Variants in MMS22L observed in about 807,000 individuals in gnomAD.
The protein encoded by MMS22L is protein MMS22-like.
A neutral mutation model predicts 159.1 loss-of-function variants in MMS22L; 74 were observed. That is an observed-to-expected ratio of 0.47 (90% CI 0.39 to 0.56). The LOEUF is 0.56. Among genes scored for constraint, MMS22L ranks in the 20% least tolerant of loss-of-function variants. The pLI is 0.00. For missense variants in MMS22L, 1,351 were observed against 1,422.1 expected, an observed-to-expected ratio of 0.95 and a Z score of 0.80; for synonymous variants, 517 against 506.9, an observed-to-expected ratio of 1.02 and a Z score of -0.27.
chr6:97,263,605 C>G (rs1440553236), intron 8 of MMS22L, 157 bp from the exon 9 acceptor site: 1 of 420,926 alleles, frequency 2.4e-6, no homozygotes, highest in African/African-American at 2.1e-5. Flanking sequence ...TTTCATTTAA[C>G]TTTTAAGACA....
chr6:97,272,164 A>G (rs931390681), intron 6 of MMS22L: 2 of 152,250 alleles, frequency 1.3e-5, no homozygotes, highest in Admixed American at 1.3e-4. Context: ...GTAACAATAT[A>G]AAGTTTTAAA....
rs113893617 is a variant in MMS22L at position 97,207,870 on chromosome 6, C to T, written c.2039+21024G>A. On this transcript the variant is annotated intron_variant, in intron 14 of 24. Coordinates refer to ENST00000683635, the MANE Select transcript of MMS22L (RefSeq NM_001350599.2). Reference sequence around the variant, plus strand: ...ATTTCCAACCTCTGCATTTATATGGCTGAAACTGAAGAAAAAATGAGATGA... The same window carrying T: ...ATTTCCAACCTCTGCATTTATATGGTTGAAACTGAAGAAAAAATGAGATGA... Among the ~76,000 whole-genome samples the T allele has an allele frequency of 2.5e-3, 385 of 152,130 alleles. 3 individuals carry two copies. Among genetic ancestry groups the T allele is most frequent in the African/African-American group, 8.7e-3 (362 of 41,528 alleles).
intron 23 of MMS22L, chr6:97,151,514 A>T: frequency 2.5e-6 from 1 of 400,532 alleles, no homozygotes; most frequent in Non-Finnish European, 4.7e-6. Context: ...TAAGAGACAC[A>T]TGACTGTTCA....
intron 10 of MMS22L, among the ~76,000 whole-genome samples, chr6:97,251,901 G>C (rs1223362163): frequency 6.6e-6 from 1 of 152,174 alleles, no homozygotes; most frequent in South Asian, 2.1e-4. Context: ...GTCTAACACA[G>C]TGAAACCCCG....
intron 4 of MMS22L, among the ~76,000 whole-genome samples, chr6:97,274,013 G>A (rs998175073): frequency 1.3e-5 from 2 of 152,122 alleles, no homozygotes; most frequent in African/African-American, 2.4e-5. Context: ...AATAGTTGCT[G>A]CCTTTCTCCC....
At chr6:97,166,497 G>GA (rs1331101493) in intron 20 of MMS22L, among the ~76,000 whole-genome samples, 2 of 152,072 alleles carry the variant, frequency 1.3e-5, no homozygotes, top group Non-Finnish European at 2.9e-5. Flanking sequence ...ATAAACAACT[G>GA]AAAAAAATCA....
At chr6:97,183,990 C>G (rs1456526573) in intron 15 of MMS22L, among the ~76,000 whole-genome samples, 3 of 152,260 alleles carry the variant, frequency 2.0e-5, no homozygotes, top group African/African-American at 4.8e-5. Context: ...AAAGATTAAT[C>G]TAAATTTGCA....
At chr6:97,277,695 T>C (rs1461406517) in intron 4 of MMS22L, among the ~76,000 whole-genome samples, 1 of 152,110 alleles carries the variant, frequency 6.6e-6, no homozygotes, top group Non-Finnish European at 1.5e-5. Context: ...AAATTGCCCC[T>C]GCTAATTAAC....
At position 97,146,885 on chromosome 6, in the gene MMS22L, T is replaced by A. The variant is rs1800949401; in HGVS notation, c.3653A>T (p.Glu1218Val). The A allele has an allele frequency of 6.5e-7, 1 of 1,546,788 alleles. No homozygotes were observed. The highest frequency in any genetic ancestry group is 2.4e-5 in the East Asian group (1 of 41,258). Residue 1218 changes from glutamate to valine, a missense_variant and splice_region_variant, in exon 25 of 25, where the codon GAA becomes GTA. Physicochemically the swap from Glu to Val is moderately radical, Grantham distance 121 (BLOSUM62 -2). Coordinates refer to ENST00000683635, the MANE Select transcript of MMS22L (RefSeq NM_001350599.2). ...GTGAGACAAAAGTTTGCTATAGGCT[T>A]CCCTGTTTAAGAAAAAAGAAAAGAA... ...WGLGRNIAQR[E>V]AYSKLLSHLG... is the part of the protein sequence containing the mutation.
intron 14 of MMS22L, among the ~76,000 whole-genome samples, chr6:97,207,916 C>T (rs968709658): frequency 3.9e-5 from 6 of 151,960 alleles, no homozygotes; most frequent in Non-Finnish European, 8.8e-5. Context: ...TTTTGATATC[C>T]TTAGGGTGAT....
chr6:97,235,823 C>T lies in MMS22L; in HGVS notation c.1183-1843G>A, dbSNP rs142164111. ...GTGAGAAGAGTTAAGATCCAGTGCA[C>T]GAGGGAAGGAATTAGCTCTTGATAG... On this transcript the variant is annotated intron_variant, in intron 11 of 24. Transcript: ENST00000683635. Among the ~76,000 whole-genome samples, 717 of 151,872 alleles carry T rather than the reference C, an allele frequency of 4.7e-3. 4 individuals are homozygous for T. Among genetic ancestry groups the T allele is most frequent in the Non-Finnish European group, 5.9e-3 (401 of 67,968 alleles).
At chr6:97,202,946 C>T (rs1807337452) in intron 14 of MMS22L, among the ~76,000 whole-genome samples, 1 of 152,086 alleles carries the variant, frequency 6.6e-6, no homozygotes, top group Non-Finnish European at 1.5e-5. Flanking sequence ...AGTTCTTTTC[C>T]TTAAGGTTTC....
chr6:97,201,604 A>G (rs1807172682), intron 14 of MMS22L, among the ~76,000 whole-genome samples: 1 of 152,230 alleles, frequency 6.6e-6, no homozygotes, highest in East Asian at 1.9e-4. Context: ...TTTAACTTCC[A>G]GCACCAGCTA....
chr6:97,206,721 A>T (rs2127923545), intron 14 of MMS22L, among the ~76,000 whole-genome samples: 1 of 152,196 alleles, frequency 6.6e-6, no homozygotes, highest in East Asian at 1.9e-4. Flanking sequence ...GCAGAATACA[A>T]ATTTTCAATA....
chr6:97,224,625 CCTTT>C (rs1369921164), intron 14 of MMS22L, among the ~76,000 whole-genome samples: 3 of 151,192 alleles, frequency 2.0e-5, no homozygotes, highest in Non-Finnish European at 4.4e-5. Context: ...AGCAACTACC[CCTTT>C]TTTTGTAGCA....
At chr6:97,251,643 T>G (rs1813245511) in intron 10 of MMS22L, among the ~76,000 whole-genome samples, 1 of 152,234 alleles carries the variant, frequency 6.6e-6, no homozygotes, top group South Asian at 2.1e-4. Context: ...ATATGTGATT[T>G]TTTAAAATCG....
intron 4 of MMS22L, 81 bp from the exon 5 acceptor site, chr6:97,273,143 G>C (rs1206003977): frequency 1.9e-6 from 2 of 1,053,342 alleles, no homozygotes; most frequent in African/African-American, 3.2e-5. Context: ...AGCCATACCG[G>C]CAGCAATTCT....
intron 6 of MMS22L, chr6:97,270,724 C>T (rs1436697143): frequency 2.0e-5 from 3 of 152,232 alleles, no homozygotes; most frequent in Non-Finnish European, 4.4e-5. Context: ...AATATTGGGA[C>T]AGAAATAGAT....
In MMS22L at chr6:97,156,817, C is replaced by T. The variant is rs563128044; in HGVS notation, c.3386-4950G>A. Among the ~76,000 whole-genome samples, 31 of 151,962 alleles carry T rather than the reference C, an allele frequency of 2.0e-4. No homozygotes were observed. The South Asian group carries it at 6.2e-3, about 31-fold the overall frequency. On this transcript the variant is annotated intron_variant, in intron 22 of 24. Transcript: ENST00000683635. ...CGGCTATGCACACTTTTTTTTGGTT[C>T]CATATGAAATTTAAAATAGTTTTTT...
Sources: gnomAD v4.1 joint callset for allele counts (sites outside exome capture counted in the v4.1 genomes callset) on GRCh38, gnomAD v4.1.1 for gene constraint, MANE v1.5 for transcripts, NCBI Gene and HGNC (gene_info 2026-07-23, HGNC 2026-07-21) for gene names.